Variants in PTPRT observed in about 807,000 individuals in gnomAD.
PTPRT encodes receptor-type tyrosine-protein phosphatase T.
A neutral mutation model predicts 176.8 loss-of-function variants in PTPRT; 56 were observed. The ratio of observed to expected loss-of-function variants is 0.32; its 90% CI spans 0.26 to 0.40. The LOEUF is 0.40. PTPRT is among the 10% of genes least tolerant of loss of function. The pLI is 1.00. For synonymous variants in PTPRT, 783 were observed against 739.0 expected (o/e 1.06, Z -0.96); for missense variants, 1,540 against 1,908.2 (o/e 0.81, Z 3.60).
intron 8 of PTPRT, among the ~76,000 whole-genome samples, chr20:42,461,258 C>T (rs974037689): frequency 1.4e-4 from 21 of 152,096 alleles, no homozygotes; most frequent in Non-Finnish European, 2.6e-4. Flanking sequence ...ACCTGGGAGG[C>T]GGAGGTTGCG....
intron 7 of PTPRT, among the ~76,000 whole-genome samples, chr20:42,526,095 A>G (rs779427513): frequency 5.9e-5 from 9 of 151,954 alleles, no homozygotes; most frequent in Non-Finnish European, 1.2e-4. Flanking sequence ...AAGTCCATTA[A>G]TTTTACTTGA....
At chr20:43,112,377 A>G (rs992175716) in intron 1 of PTPRT, among the ~76,000 whole-genome samples, 9 of 152,176 alleles carry the variant, frequency 5.9e-5, no homozygotes, top group African/African-American at 2.2e-4. Context: ...AAACAATGGC[A>G]TGGGAAATTT....
chr20:43,007,788 G>A (rs1286367334), intron 1 of PTPRT, among the ~76,000 whole-genome samples: 1 of 152,142 alleles, frequency 6.6e-6, no homozygotes, highest in East Asian at 1.9e-4. Flanking sequence ...GAGACTTCAG[G>A]CTCAGAAAAA....
intron 1 of PTPRT, among the ~76,000 whole-genome samples, chr20:43,035,285 CACTTGG>C (rs146709993): frequency 0.085 from 12,958 of 152,184 alleles, 612 homozygotes; most frequent in Middle Eastern, 0.15. Flanking sequence ...TTACCAAGAG[CACTTGG>C]ATACTTTAGA....
At chr20:42,374,121 G>A (rs77780634) in intron 9 of PTPRT, among the ~76,000 whole-genome samples, 12,031 of 152,234 alleles carry the variant, frequency 0.079, 488 homozygotes, top group Middle Eastern at 0.14. Flanking sequence ...GTGTTTCAGC[G>A]TCTGCCAGCT....
In PTPRT at chr20:42,080,485, C is replaced by T. The variant is rs1277418760; in HGVS notation, c.*394G>A. Reference sequence around the variant, plus strand: ...AGAGGAGCAGAACACACATCTCCTCCACTCCTAAGGAGAAGGAGGGCAGGG... The same window carrying T: ...AGAGGAGCAGAACACACATCTCCTCTACTCCTAAGGAGAAGGAGGGCAGGG... On this transcript the variant is annotated 3_prime_UTR_variant, in exon 31 of 31. Transcript: ENST00000373187. 3.9e-5 allele frequency: 10 copies of T among 254,622 alleles called. No individual in the cohort carries two copies. The Admixed American group carries it at 4.7e-4, about 12-fold the overall frequency. 15.8% of individuals were successfully genotyped at this position (254,622 alleles called of 1,614,324 possible).
intron 7 of PTPRT, among the ~76,000 whole-genome samples, chr20:42,620,762 A>G (rs1427421134): frequency 6.6e-6 from 1 of 152,190 alleles, no homozygotes; most frequent in East Asian, 1.9e-4. Context: ...GACCCCTTGC[A>G]CTTCCCAAGT....
chr20:42,316,821 A>G (rs2057727140), intron 11 of PTPRT, among the ~76,000 whole-genome samples: 1 of 152,172 alleles, frequency 6.6e-6, no homozygotes, highest in Admixed American at 6.5e-5. Flanking sequence ...CCAAAGGCTG[A>G]GCATGTCTTT....
At chr20:42,756,118 C>A (rs1162764921) in intron 6 of PTPRT, among the ~76,000 whole-genome samples, 1 of 152,212 alleles carries the variant, frequency 6.6e-6, no homozygotes, top group Non-Finnish European at 1.5e-5. Context: ...TACGAGAACA[C>A]TGCCACAGCA....
intron 1 of PTPRT, among the ~76,000 whole-genome samples, chr20:43,045,917 TCTA>T (rs1168876020): frequency 2.6e-5 from 4 of 152,132 alleles, no homozygotes; most frequent in Non-Finnish European, 5.9e-5. Context: ...CTAAGAAATG[TCTA>T]CTGAGCCAAA....
chr20:42,508,840 A>T (rs2071896874), intron 7 of PTPRT, among the ~76,000 whole-genome samples: 1 of 149,736 alleles, frequency 6.7e-6, no homozygotes. Context: ...AACTCTGGTC[A>T]TTGTACATTT....
At chr20:42,889,457 C>T (rs1191986956) in intron 1 of PTPRT, among the ~76,000 whole-genome samples, 4 of 152,156 alleles carry the variant, frequency 2.6e-5, no homozygotes, top group African/African-American at 7.2e-5. Flanking sequence ...ATATTCAGGC[C>T]CCACTGTCAA....
rs181446522 is a variant in PTPRT, at chr20:42,962,090, G to A, written c.89-76158C>T. On this transcript the variant is annotated intron_variant, in intron 1 of 30. Coordinates refer to ENST00000373187, the MANE Select transcript of PTPRT (RefSeq NM_007050.6). ...AGCTGTAAGAGAACAGATCTGTGTC[G>A]GTTTAAGCCACTAAATTTGTGTTAA... 1.2e-4 allele frequency among the ~76,000 whole-genome samples: 18 copies of A among 152,290 alleles called. No homozygotes were observed. The East Asian group carries it at 2.5e-3, about 21-fold the overall frequency.
At chr20:42,954,860 G>A (rs145198163) in intron 1 of PTPRT, among the ~76,000 whole-genome samples, 188 of 152,018 alleles carry the variant, frequency 1.2e-3, no homozygotes, top group African/African-American at 4.2e-3. Flanking sequence ...AGGAGAAGAC[G>A]ATGGAAGAGG....
At chr20:42,591,121 A>C (rs2073566105) in intron 7 of PTPRT, among the ~76,000 whole-genome samples, 1 of 152,204 alleles carries the variant, frequency 6.6e-6, no homozygotes. Context: ...ACAGAAAAAT[A>C]GAATTTTAGA....
intron 13 of PTPRT, among the ~76,000 whole-genome samples, chr20:42,275,703 T>C (rs1447723051): frequency 6.6e-6 from 1 of 152,172 alleles, no homozygotes; most frequent in African/African-American, 2.4e-5. Flanking sequence ...TAGGCTATCT[T>C]ATGTGTACTT....
chr20:42,368,242 A>AAG (rs1320413914), intron 9 of PTPRT, among the ~76,000 whole-genome samples: 1 of 152,112 alleles, frequency 6.6e-6, no homozygotes, highest in Non-Finnish European at 1.5e-5. Flanking sequence ...AATGAACACA[A>AAG]ATTCAGGGTA....
rs1351189342 is a variant in PTPRT at position 42,120,044 on chromosome 20, T to A, written c.2848-73A>T. 4 of 1,361,066 alleles carry A rather than the reference T, an allele frequency of 2.9e-6. No individual in the cohort carries two copies. In the African/African-American group the frequency reaches 5.9e-5, roughly 20 times the overall value. 84.3% of individuals were successfully genotyped at this position (1,361,066 alleles called of 1,614,324 possible). A position where few individuals can be genotyped will look rare whatever the true frequency, so the allele number is the denominator to read the frequency against. ...GCAAACAGCACAATATTAATAAACATCCTCTCCAAGTCTTGATTTTCTCAT... is the reference window on the plus strand; with the variant it reads ...GCAAACAGCACAATATTAATAAACAACCTCTCCAAGTCTTGATTTTCTCAT... On this transcript the variant is annotated intron_variant, in intron 19 of 30. Coordinates refer to ENST00000373187, the MANE Select transcript of PTPRT (RefSeq NM_007050.6).
the PTPRT span, among the ~76,000 whole-genome samples, chr20:42,050,901 T>C: frequency 6.6e-6 from 1 of 152,168 alleles, no homozygotes; most frequent in African/African-American, 2.4e-5. Context: ...CTGTGGGTTA[T>C]CCAAAAACAC....
Sources: gnomAD v4.1 joint callset for allele counts (sites outside exome capture counted in the v4.1 genomes callset) on GRCh38, gnomAD v4.1.1 for gene constraint, MANE v1.5 for transcripts, NCBI Gene and HGNC (gene_info 2026-07-23, HGNC 2026-07-21) for gene names.